Variants in RNF150 observed in about 807,000 individuals in gnomAD.
RNF150 encodes ring finger protein 150.
Under a neutral mutation model 39.3 loss-of-function variants are expected in RNF150, and 24 were observed. The observed-to-expected ratio is 0.61, with a 90% CI of 0.44 to 0.86. The LOEUF (loss-of-function observed/expected upper bound fraction) is 0.86, where lower values mean the gene tolerates loss of function less well. Among genes scored for constraint, RNF150 ranks in the 40% least tolerant of loss-of-function variants. The probability of loss-of-function intolerance (pLI) is 0.00; values close to 1 mark genes in which losing one functional copy is unlikely to be tolerated. For synonymous variants in RNF150, 255 were observed against 227.3 expected, an observed-to-expected ratio of 1.12 and a Z score of -1.10; for missense variants, 502 against 587.8, an observed-to-expected ratio of 0.85 and a Z score of 1.51.
At chr4:140,961,110 T>C (rs1733005096) in intron 2 of RNF150, among the ~76,000 whole-genome samples, 1 of 152,138 alleles carries the variant, frequency 6.6e-6, no homozygotes, top group Non-Finnish European at 1.5e-5. Flanking sequence ...TTAACTTGGT[T>C]AAATCTTTAG....
chr4:140,988,850 G>A lies in RNF150; in HGVS notation c.485-20977C>T, dbSNP rs562322173. Among the ~76,000 whole-genome samples, 26 of 152,230 alleles carry A rather than the reference G, an allele frequency of 1.7e-4. No homozygotes were observed. In the East Asian group the frequency reaches 4.6e-3, roughly 27 times the overall value. On this transcript the variant is annotated intron_variant, in intron 1 of 6. Coordinates refer to ENST00000515673, the MANE Select transcript of RNF150 (RefSeq NM_020724.2). ...AAAAAATGATGAGTTCATGTCCTTT[G>A]TAGGGACATGGATGAAGCTGGAAAC... is the stretch of plus-strand genomic sequence containing the variant.
At chr4:140,938,354 G>C (rs901677677) in intron 4 of RNF150, among the ~76,000 whole-genome samples, 19 of 151,974 alleles carry the variant, frequency 1.3e-4, no homozygotes, top group Admixed American at 1.1e-3. Flanking sequence ...CTGGCAGGGA[G>C]AGTGAGTGAG....
chr4:140,917,784 G>C (rs2111294243), intron 5 of RNF150, among the ~76,000 whole-genome samples: 1 of 150,630 alleles, frequency 6.6e-6, no homozygotes, highest in African/African-American at 2.4e-5. Flanking sequence ...TGACCACATA[G>C]TTGGAAGTAA....
chr4:141,177,544 T>C (rs543391934), intron 1 of RNF150, among the ~76,000 whole-genome samples: 41 of 152,116 alleles, frequency 2.7e-4, no homozygotes, highest in Non-Finnish European at 4.9e-4. Flanking sequence ...CCTGAAACTA[T>C]GGCATAGAGC....
At chr4:140,928,991 C>G (rs777249472) in intron 4 of RNF150, among the ~76,000 whole-genome samples, 1 of 152,146 alleles carries the variant, frequency 6.6e-6, no homozygotes, top group Non-Finnish European at 1.5e-5. Context: ...TGCATCCTGG[C>G]AACCCCAGTT....
intron 1 of RNF150, among the ~76,000 whole-genome samples, chr4:141,161,783 G>T (rs1253641422): frequency 1.3e-5 from 2 of 152,204 alleles, no homozygotes; most frequent in African/African-American, 2.4e-5. Flanking sequence ...TACTCCAAAG[G>T]GTGTAAGCCA....
At chr4:141,128,790 A>G (rs1310411610) in intron 1 of RNF150, among the ~76,000 whole-genome samples, 2 of 152,176 alleles carry the variant, frequency 1.3e-5, no homozygotes, top group Non-Finnish European at 2.9e-5. Flanking sequence ...GTATGAGTTG[A>G]AAGTCTGGAA....
chr4:141,056,883 T>C (rs2110907035), intron 1 of RNF150, among the ~76,000 whole-genome samples: 1 of 152,184 alleles, frequency 6.6e-6, no homozygotes, highest in South Asian at 2.1e-4. Context: ...GCCCAGGGCT[T>C]GAGGAAAGAA....
Position 141,132,857 on chromosome 4 carries a change from C to T in RNF150, c.-49G>A. ...CCGCCCCCGCGCCCTCCCTCCGTCC[C>T]GTCCCTCCTCCCCAGCCCCGGCCAA... is the stretch of plus-strand genomic sequence containing the variant. On this transcript the variant is annotated 5_prime_UTR_variant, in exon 1 of 7. Coordinates refer to ENST00000515673, the MANE Select transcript of RNF150 (RefSeq NM_020724.2). The surrounding 1 kb of genome is among the most constrained non-coding windows in gnomAD (Gnocchi z 4.9). 2 of 1,498,458 alleles carry T rather than the reference C, an allele frequency of 1.3e-6. No homozygotes were observed. The highest frequency in any genetic ancestry group is 9.2e-7 in the Non-Finnish European group (1 of 1,089,898). 92.8% of individuals were successfully genotyped at this position (1,498,458 alleles called of 1,614,324 possible).
intron 1 of RNF150, among the ~76,000 whole-genome samples, chr4:141,129,119 G>A (rs1348316740): frequency 6.6e-6 from 1 of 152,086 alleles, no homozygotes; most frequent in East Asian, 1.9e-4. Context: ...CCACTCCTAG[G>A]TATATAATCA....
chr4:140,895,682 CTA>C (rs1553989229), intron 6 of RNF150, among the ~76,000 whole-genome samples: 1 of 152,160 alleles, frequency 6.6e-6, no homozygotes, highest in African/African-American at 2.4e-5. Flanking sequence ...CCCAAAGAAA[CTA>C]TGAAATGTAG....
At chr4:141,100,264 CT>C (rs1738959167) in intron 1 of RNF150, among the ~76,000 whole-genome samples, 1 of 152,116 alleles carries the variant, frequency 6.6e-6, no homozygotes, top group Non-Finnish European at 1.5e-5. Context: ...GCTTCTAAGT[CT>C]TTCCTAAGAA....
intron 1 of RNF150, among the ~76,000 whole-genome samples, chr4:141,130,695 A>G (rs922222342): frequency 7.2e-5 from 11 of 152,230 alleles, no homozygotes; most frequent in Admixed American, 7.2e-4. Context: ...CTTGGAGTTT[A>G]AAGAACAACA....
At position 140,862,177 on chromosome 4, in the gene RNF150, A is replaced by T. The variant is rs1728516768; in HGVS notation, c.*6084T>A. Reference sequence around the variant, plus strand: ...GCCAAGCAATGACTTTGGGTAATTGAGATTAAGCGACCTTCTCTAAGGATT... The same window carrying T: ...GCCAAGCAATGACTTTGGGTAATTGTGATTAAGCGACCTTCTCTAAGGATT... On this transcript the variant is annotated 3_prime_UTR_variant, in exon 7 of 7. Coordinates refer to ENST00000515673, the MANE Select transcript of RNF150 (RefSeq NM_020724.2). 1 of 152,182 alleles carries T rather than the reference A, an allele frequency of 6.6e-6. No individual in the cohort carries two copies. The highest frequency in any genetic ancestry group is 6.5e-5 in the Admixed American group (1 of 15,272). 9.4% of individuals were successfully genotyped at this position (152,182 alleles called of 1,614,324 possible).
Position 141,113,293 on chromosome 4 carries a change from G to A in RNF150, c.484+19032C>T, listed in dbSNP as rs150502242. Among the ~76,000 whole-genome samples the A allele has an allele frequency of 1.3e-3, 191 of 148,440 alleles. 2 individuals are homozygous for A. The highest frequency in any genetic ancestry group is 4.0e-3 in the African/African-American group (163 of 40,258). On this transcript the variant is annotated intron_variant, in intron 1 of 6. Transcript: ENST00000515673. ...CATCTCATGTGCGAAGACACACAGA[G>A]GCTCAAAATAAAGGGAGGGAGGAAT...
intron 1 of RNF150, among the ~76,000 whole-genome samples, chr4:141,001,654 T>C (rs1734671834): frequency 6.6e-6 from 1 of 152,076 alleles, no homozygotes; most frequent in South Asian, 2.1e-4. Flanking sequence ...TTGTACCATG[T>C]GCTTACATCT....
intron 1 of RNF150, among the ~76,000 whole-genome samples, chr4:141,017,446 T>C (rs1193745587): frequency 3.9e-5 from 6 of 152,146 alleles, no homozygotes; most frequent in African/African-American, 9.7e-5. Flanking sequence ...TCCTCCATCA[T>C]CAACATCCCA....
chr4:141,057,550 C>G (rs560228330), intron 1 of RNF150, among the ~76,000 whole-genome samples: 1 of 152,162 alleles, frequency 6.6e-6, no homozygotes, highest in African/African-American at 2.4e-5. Context: ...ACCTCCCCAA[C>G]CTTCCCCTCC....
chr4:141,147,641 T>C (rs903304190), intron 1 of RNF150, among the ~76,000 whole-genome samples: 2 of 152,116 alleles, frequency 1.3e-5, no homozygotes, highest in Non-Finnish European at 2.9e-5. Flanking sequence ...TTGCAAATAT[T>C]TCCTCCCAAA....
Sources: gnomAD v4.1 joint callset for allele counts (sites outside exome capture counted in the v4.1 genomes callset) on GRCh38, gnomAD v4.1.1 for gene constraint, Gnocchi (gnomAD v3.1) non-coding constraint, MANE v1.5 for transcripts, NCBI Gene and HGNC (gene_info 2026-07-23, HGNC 2026-07-21) for gene names.